NEGR1: variants seen among roughly 807,000 people sequenced by gnomAD.
NEGR1 encodes the protein neuronal growth regulator 1, also known as IgLON family member 4.
A neutral mutation model predicts 40.9 loss-of-function variants in NEGR1; 10 were observed. The ratio of observed to expected loss-of-function variants is 0.24; its 90% CI spans 0.15 to 0.42. NEGR1 has a LOEUF of 0.42. NEGR1 is among the 10% of genes least tolerant of loss of function. The pLI is 1.00. For missense variants in NEGR1, 352 were observed against 438.9 expected, an observed-to-expected ratio of 0.80 and a Z score of 1.77; for synonymous variants, 185 against 166.8, an observed-to-expected ratio of 1.11 and a Z score of -0.84.
intron 3 of NEGR1, among the ~76,000 whole-genome samples, chr1:71,756,846 TAA>T (rs200567051): frequency 0.046 from 5,912 of 127,858 alleles, 141 homozygotes; most frequent in South Asian, 0.1. Flanking sequence ...AAAATGAAAA[TAA>T]AAAAAAAAAA....
intron 6 of NEGR1, among the ~76,000 whole-genome samples, chr1:71,480,741 A>G (rs187252226): frequency 6.6e-6 from 1 of 152,084 alleles, no homozygotes; most frequent in East Asian, 1.9e-4. Flanking sequence ...AGAGATATTT[A>G]CAATAATAAC....
chr1:71,706,740 C>A (rs1653914495), intron 3 of NEGR1, among the ~76,000 whole-genome samples: 1 of 151,894 alleles, frequency 6.6e-6, no homozygotes, highest in Admixed American at 6.6e-5. Context: ...TCTAGACACA[C>A]CCTGTGTCAG....
intron 6 of NEGR1, among the ~76,000 whole-genome samples, chr1:71,497,493 G>T (rs1388952402): frequency 6.6e-6 from 1 of 151,778 alleles, no homozygotes; most frequent in Non-Finnish European, 1.5e-5. Context: ...TTGAAACAGG[G>T]TTATTGATCT....
Position 71,934,937 on chromosome 1 carries a change from C to T in NEGR1, c.409+142G>A, listed in dbSNP as rs1192051792. 2.7e-5 allele frequency: 17 copies of T among 626,368 alleles called. No individual in the cohort carries two copies. In the East Asian group the frequency reaches 3.8e-4, roughly 14 times the overall value. 38.8% of individuals were successfully genotyped at this position (626,368 alleles called of 1,614,324 possible). A position where few individuals can be genotyped will look rare whatever the true frequency, so the allele number is the denominator to read the frequency against. ...GTCTAGGAATGTAAATTCCTGAAAACTATGACAATATAATTCAACAAATAT... is the reference window on the plus strand; with the variant it reads ...GTCTAGGAATGTAAATTCCTGAAAATTATGACAATATAATTCAACAAATAT... On this transcript the variant is annotated intron_variant, in intron 2 of 6. Coordinates refer to ENST00000357731, the MANE Select transcript of NEGR1 (RefSeq NM_173808.3).
chr1:72,264,492 T>C (rs1037826405), intron 1 of NEGR1, among the ~76,000 whole-genome samples: 1 of 150,626 alleles, frequency 6.6e-6, no homozygotes, highest in Non-Finnish European at 1.5e-5. Context: ...ATTAAATAGC[T>C]AGATATTCTA....
rs569836553 is a variant in NEGR1, at chr1:71,747,514, T to G, written c.535+28658A>C. 5.3e-5 allele frequency among the ~76,000 whole-genome samples: 8 copies of G among 151,690 alleles called. No homozygotes were observed. In the South Asian group the frequency reaches 1.5e-3, roughly 28 times the overall value. ...ACCTCAGTTCAATGCAGCTTCCACC[T>G]CCTGGGTTTGAGCGATTCTCCTGCC... On this transcript the variant is annotated intron_variant, in intron 3 of 6. Transcript: ENST00000357731.
intron 1 of NEGR1, among the ~76,000 whole-genome samples, chr1:72,179,727 A>G (rs2100410311): frequency 6.6e-6 from 1 of 152,214 alleles, no homozygotes; most frequent in South Asian, 2.1e-4. Flanking sequence ...AAAAATAAGT[A>G]GCATTTTTAT....
At chr1:71,599,550 T>C (rs1649848652) in intron 5 of NEGR1, among the ~76,000 whole-genome samples, 1 of 152,236 alleles carries the variant, frequency 6.6e-6, no homozygotes, top group African/African-American at 2.4e-5. Flanking sequence ...TGCTTGATAC[T>C]TAAGGCTTGA....
rs150454041 is a variant in NEGR1, at chr1:71,928,027, T to TACACAC, written c.409+7046_409+7051dup. Among the ~76,000 whole-genome samples, 584 of 77,446 alleles carry TACACAC rather than the reference T, an allele frequency of 7.5e-3. 71 individuals are homozygous for TACACAC. Among genetic ancestry groups the TACACAC allele is most frequent in the African/African-American group, 0.025 (416 of 16,716 alleles). 50.8% of individuals were successfully genotyped at this position (77,446 alleles called of 152,430 possible). ...AAAAATAAATAAATAAATAAATAAA[T>TACACAC]ACACACACACACACACACACACGTA... On this transcript the variant is annotated intron_variant, in intron 2 of 6. Transcript: ENST00000357731.
intron 3 of NEGR1, among the ~76,000 whole-genome samples, chr1:71,762,986 C>T (rs1483431566): frequency 6.6e-6 from 1 of 151,192 alleles, no homozygotes; most frequent in Admixed American, 6.6e-5. Flanking sequence ...AAAGAATGAA[C>T]CTTAGAACAC....
At chr1:71,660,686 A>T (rs1652024247) in intron 4 of NEGR1, among the ~76,000 whole-genome samples, 1 of 152,100 alleles carries the variant, frequency 6.6e-6, no homozygotes, top group Admixed American at 6.5e-5. Context: ...AATTTTGAAC[A>T]TCTTGGCTTT....
chr1:72,260,690 T>C (rs1344838257), intron 1 of NEGR1, among the ~76,000 whole-genome samples: 1 of 152,116 alleles, frequency 6.6e-6, no homozygotes, highest in East Asian at 1.9e-4. Context: ...AATACAAATT[T>C]TCTAAATAGT....
intron 3 of NEGR1, among the ~76,000 whole-genome samples, chr1:71,703,842 AT>A (rs745892997): frequency 6.6e-6 from 1 of 151,848 alleles, no homozygotes; most frequent in Non-Finnish European, 1.5e-5. Context: ...ATATATAAAT[AT>A]TGGGGGGGGT....
chr1:71,752,991 T>A (rs985241715), intron 3 of NEGR1, among the ~76,000 whole-genome samples: 1 of 152,166 alleles, frequency 6.6e-6, no homozygotes, highest in African/African-American at 2.4e-5. Context: ...ATATTCTATA[T>A]CTTCCTTTAG....
At chr1:71,703,869 G>A (rs1653793684) in intron 3 of NEGR1, among the ~76,000 whole-genome samples, 1 of 151,738 alleles carries the variant, frequency 6.6e-6, no homozygotes, top group Non-Finnish European at 1.5e-5. Flanking sequence ...AAAGGGGACA[G>A]AAAAAATATA....
chr1:72,120,310 G>T (rs1041432641), intron 1 of NEGR1, among the ~76,000 whole-genome samples: 3 of 151,860 alleles, frequency 2.0e-5, no homozygotes, highest in Non-Finnish European at 4.4e-5. Context: ...TTTTATAATA[G>T]AAAGAATTAT....
intron 4 of NEGR1, among the ~76,000 whole-genome samples, chr1:71,679,272 A>C (rs536169171): frequency 6.6e-6 from 1 of 152,290 alleles, no homozygotes; most frequent in East Asian, 1.9e-4. Flanking sequence ...AAGTTCAACA[A>C]AATACCTGTT....
At chr1:71,764,177 G>T (rs1656042714) in intron 3 of NEGR1, among the ~76,000 whole-genome samples, 1 of 152,084 alleles carries the variant, frequency 6.6e-6, no homozygotes, top group South Asian at 2.1e-4. Context: ...TTGAAAAATT[G>T]AAGAATAAAT....
At chr1:71,554,161 A>C (rs930220904) in intron 6 of NEGR1, among the ~76,000 whole-genome samples, 1 of 151,578 alleles carries the variant, frequency 6.6e-6, no homozygotes, top group Non-Finnish European at 1.5e-5. Flanking sequence ...TTCTTTATAA[A>C]TAAATTTACT....
Sources: allele counts gnomAD v4.1 joint callset (sites outside exome capture counted in the v4.1 genomes callset), GRCh38; gene constraint gnomAD v4.1.1; transcripts MANE v1.5; gene names NCBI Gene and HGNC (gene_info 2026-07-23, HGNC 2026-07-21).